Variants in LTN1 observed in about 807,000 individuals in gnomAD.
The protein encoded by LTN1 is E3 ubiquitin-protein ligase listerin.
A neutral mutation model predicts 201.2 loss-of-function variants in LTN1; 88 were observed. That is an observed-to-expected ratio of 0.44 (90% CI 0.37 to 0.52). The LOEUF is 0.52. Ranked by LOEUF, LTN1 falls within the 20% of genes least tolerant of loss-of-function variation. The pLI, the probability that LTN1 is intolerant of heterozygous loss-of-function variation, is 0.00. For missense variants in LTN1, 1,752 were observed against 2,038.7 expected (o/e 0.86, Z 2.71); for synonymous variants, 645 against 713.5 (o/e 0.90, Z 1.53).
Position 28,966,668 on chromosome 21 carries a change from C to T in LTN1, c.1823G>A (p.Arg608Gln), listed in dbSNP as rs143071482. ...ADISINYVNE[R>Q]KSEQHLRFLS... ...AAACCTTAGATGTTGCTCTGACTTT[C>T]GTTCATTGACATAATTAATACTTAT... The change falls in exon 10 of 30, where the codon CGA becomes CAA. Residue 608 changes from arginine (R) to glutamine (Q), a missense_variant. Physicochemically the swap from Arg to Gln is conservative, Grantham distance 43 (BLOSUM62 1). Transcript: ENST00000361371. 7.2e-5 allele frequency: 117 copies of T among 1,613,820 alleles called. No individual in the cohort carries two copies. The highest frequency in any genetic ancestry group is 9.0e-5 in the Non-Finnish European group (106 of 1,179,988).
chr21:28,935,315 G>A lies in LTN1; in HGVS notation c.4669C>T (p.Pro1557Ser). ...CAAGCCAAGTGTGGAATGTGGTATG[G>A]AAGCATTGTTGTTTCTGAGGAAAAA... ...QLSIRETTML[P>S]YHIPHLACSV... Residue 1557 changes from proline to serine, a missense_variant, in exon 27 of 30, where the codon CCA becomes TCA. This residue lies in a region of LTN1 where 261 missense variants were observed against 350.1 expected (regional missense o/e 0.75). Transcript: ENST00000361371. 6.2e-7 allele frequency: 1 copy of A among 1,612,610 alleles called. No homozygotes were observed. The highest frequency in any genetic ancestry group is 8.5e-7 in the Non-Finnish European group (1 of 1,178,894).
chr21:28,982,245 T>C, intron 5 of LTN1, 71 bp downstream of exon 5: 2 of 1,319,250 alleles, frequency 1.5e-6, no homozygotes, highest in African/African-American at 1.5e-5. Flanking sequence ...AAAAGTCACA[T>C]TGAAATCATC....
At chr21:28,977,939 A>AT (rs1259487651) in intron 6 of LTN1, among the ~76,000 whole-genome samples, 1 of 152,112 alleles carries the variant, frequency 6.6e-6, no homozygotes, top group Non-Finnish European at 1.5e-5. Flanking sequence ...AAAAAAAAAA[A>AT]AGACATATCA....
At chr21:28,941,183 G>A (rs763322730) in intron 25 of LTN1, 37 bp downstream of exon 25, 5 of 1,470,542 alleles carry the variant, frequency 3.4e-6, no homozygotes, top group Non-Finnish European at 3.8e-6. Context: ...AAGCATATTA[G>A]GACAGAACTA....
chr21:28,959,039 A>C (rs773685625), intron 13 of LTN1, among the ~76,000 whole-genome samples: 42 of 152,182 alleles, frequency 2.8e-4, no homozygotes, highest in Non-Finnish European at 5.1e-4. Context: ...TTAGCATATA[A>C]GGCAAGAATA....
chr21:28,965,925 T>C lies in LTN1; in HGVS notation c.2122-19A>G. ...AGTCCACCTGAAAAAAGAAAAAGAG[T>C]TAGAAACAATCTGCTAGAACAACTT... On this transcript the variant is annotated intron_variant, in intron 10 of 29. Coordinates refer to ENST00000361371, the MANE Select transcript of LTN1 (RefSeq NM_015565.3). 1 of 1,506,792 alleles carries C rather than the reference T, an allele frequency of 6.6e-7. No homozygotes were observed. The highest frequency in any genetic ancestry group is 9.1e-7 in the Non-Finnish European group (1 of 1,099,082). 93.3% of individuals were successfully genotyped at this position (1,506,792 alleles called of 1,614,324 possible).
chr21:28,975,611 G>T (rs559665706), intron 6 of LTN1, among the ~76,000 whole-genome samples: 3 of 152,068 alleles, frequency 2.0e-5, no homozygotes, highest in African/African-American at 7.2e-5. Flanking sequence ...TGTTTCCCTC[G>T]TGTCCATGGG....
intron 25 of LTN1, among the ~76,000 whole-genome samples, chr21:28,937,959 A>T (rs2084269158): frequency 6.6e-6 from 1 of 152,230 alleles, no homozygotes; most frequent in Non-Finnish European, 1.5e-5. Context: ...CTATTGCTAA[A>T]AATTAACCAC....
intron 6 of LTN1, among the ~76,000 whole-genome samples, chr21:28,974,664 G>A (rs895418368): frequency 6.6e-5 from 10 of 152,150 alleles, no homozygotes; most frequent in East Asian, 1.9e-4. Context: ...AGGATAATGC[G>A]GGATGACGCA....
At chr21:28,967,877 T>C (rs1406713320) in intron 9 of LTN1, 1 of 152,112 alleles carries the variant, frequency 6.6e-6, no homozygotes, top group African/African-American at 2.4e-5. Context: ...AGAATTGAAT[T>C]GGAGGACACA....
rs149558431 is a variant in LTN1, at chr21:28,969,483, T to C, written c.1294A>G (p.Met432Val). 3 of 1,609,564 alleles carry C rather than the reference T, an allele frequency of 1.9e-6. No homozygotes were observed. Among genetic ancestry groups the C allele is most frequent in the Non-Finnish European group, 2.5e-6 (3 of 1,178,918 alleles). Reference sequence around the variant, plus strand: ...ATAGATACCTGATCATTGACGAGCATCTGTTCAATCTCTTCCTCACCTAAG... The same window carrying C: ...ATAGATACCTGATCATTGACGAGCACCTGTTCAATCTCTTCCTCACCTAAG... ...QNLGEEEIEQ[M>V]LVNDQLIPFI... Residue 432 changes from methionine to valine, a missense_variant, in exon 9 of 30, where the codon ATG (methionine) becomes GTG (valine). By Grantham distance (21) the Met-to-Val change is conservative. Transcript: ENST00000361371.
chr21:28,970,442 G>C (rs575791194), intron 8 of LTN1, 110 bp downstream of exon 8: 3 of 745,918 alleles, frequency 4.0e-6, no homozygotes, highest in Non-Finnish European at 4.4e-6. Context: ...AACTTTAAAA[G>C]TATTTAATGA....
chr21:28,966,781 A>G lies in LTN1; in HGVS notation c.1710T>C (p.Thr570=), dbSNP rs902168219. Residue 570 remains threonine, a synonymous_variant, in exon 10 of 30, where the codon ACT becomes ACC. Transcript: ENST00000361371. ...AAGAATTATGAGTGAGAGAAGGTTC[A>G]GTTGTTAATTCCCAGCCTTCAATCT... ...GEKIEGWELT[T]EPSLTHNSSG... The G allele has an allele frequency of 1.2e-6, 2 of 1,613,822 alleles. No homozygotes were observed. Among genetic ancestry groups the G allele is most frequent in the Non-Finnish European group, 8.5e-7 (1 of 1,179,938 alleles).
intron 25 of LTN1, among the ~76,000 whole-genome samples, 180 bp from the exon 26 acceptor site, chr21:28,936,877 C>A (rs927102170): frequency 2.6e-5 from 4 of 152,206 alleles, no homozygotes; most frequent in African/African-American, 9.6e-5. Flanking sequence ...ACAATGCACT[C>A]ACCTTGGCTT....
intron 6 of LTN1, among the ~76,000 whole-genome samples, chr21:28,975,890 C>CATA (rs2084611385): frequency 1.3e-5 from 2 of 152,130 alleles, no homozygotes; most frequent in Admixed American, 6.5e-5. Context: ...CACACGAAAA[C>CATA]TGTACAAAAC....
chr21:28,939,713 A>G (rs2084282750), intron 25 of LTN1, among the ~76,000 whole-genome samples: 1 of 152,196 alleles, frequency 6.6e-6, no homozygotes, highest in Admixed American at 6.5e-5. Context: ...CCATTTTCCT[A>G]ATTTCTGAAT....
intron 1 of LTN1, among the ~76,000 whole-genome samples, chr21:28,988,442 G>A (rs2084718089): frequency 6.6e-6 from 1 of 151,074 alleles, no homozygotes; most frequent in Non-Finnish European, 1.5e-5. Context: ...ACTCCACCCA[G>A]GGCAACAGAG....
chr21:28,934,076 C>G (rs73901113), intron 27 of LTN1, among the ~76,000 whole-genome samples: 1,780 of 152,302 alleles, frequency 0.012, 25 homozygotes, highest in East Asian at 0.063. Context: ...TTAATCCCCT[C>G]AGCCAGATGA....
chr21:28,978,593 G>C (rs1318766271), intron 6 of LTN1, among the ~76,000 whole-genome samples: 1 of 152,074 alleles, frequency 6.6e-6, no homozygotes, highest in African/African-American at 2.4e-5. Context: ...CTTAAAGGTG[G>C]GAATAGCCTT....
Sources: allele counts gnomAD v4.1 joint callset (sites outside exome capture counted in the v4.1 genomes callset), GRCh38; gene constraint gnomAD v4.1.1; regional missense constraint gnomAD v4.1.1; transcripts MANE v1.5; gene names NCBI Gene and HGNC (gene_info 2026-07-23, HGNC 2026-07-21).